Variants in MAMLD1 observed in about 807,000 individuals in gnomAD.
MAMLD1 encodes mastermind-like domain-containing protein 1.
A neutral mutation model predicts 45.0 loss-of-function variants in MAMLD1; 14 were observed. The ratio of observed to expected loss-of-function variants is 0.31; its 90% confidence interval spans 0.21 to 0.49. The LOEUF (loss-of-function observed/expected upper bound fraction) is 0.49. Among genes scored for constraint, MAMLD1 ranks in the 20% least tolerant of loss-of-function variants. The probability of loss-of-function intolerance (pLI) is 0.99; values close to 1 mark genes in which losing one functional copy is unlikely to be tolerated. For synonymous variants in MAMLD1, 254 were observed against 247.8 expected, an observed-to-expected ratio of 1.02 and a Z score of -0.24; for missense variants, 543 against 603.6, an observed-to-expected ratio of 0.90 and a Z score of 1.05.
chrX:150,372,944 C>T (rs1557401173), intron 1 of MAMLD1, among the ~76,000 whole-genome samples: 2 of 111,563 alleles, frequency 1.8e-5, no homozygotes, highest in African/African-American at 6.5e-5. Context: ...ATGACTGATG[C>T]CCTGTGCAAT....
intron 5 of MAMLD1, among the ~76,000 whole-genome samples, chrX:150,496,510 G>T (rs1193568660): frequency 8.9e-6 from 1 of 112,267 alleles, no homozygotes; most frequent in Non-Finnish European, 1.9e-5. Flanking sequence ...CTGGCACATT[G>T]TATGTGTTCA....
In MAMLD1 at chrX:150,470,610, C is replaced by T. The variant is rs1382069450; in HGVS notation, c.1037C>T (p.Pro346Leu). The T allele has an allele frequency of 8.3e-7, 1 of 1,209,942 alleles. No individual in the cohort carries two copies. The highest frequency in any genetic ancestry group is 1.1e-6 in the Non-Finnish European group (1 of 895,126). ...CCACCTTACCGCCCAGTGCCATCAC[C>T]ACACCCACCACCGCTGCCACTGCCA... is the stretch of plus-strand genomic sequence containing the variant. ...LSPPYRPVPSPHPPPLPLPPP... is the reference protein window; with the variant it reads ...LSPPYRPVPSLHPPPLPLPPP... Residue 346 changes from proline (P) to leucine (L), a missense_variant, in exon 4 of 8, where the codon CCA becomes CTA. Transcript: ENST00000370401.
chrX:150,497,476 G>C (rs782730536), intron 5 of MAMLD1, among the ~76,000 whole-genome samples: 32 of 108,195 alleles, frequency 3.0e-4, no homozygotes, highest in Non-Finnish European at 5.2e-4. Flanking sequence ...GTAGAGACGG[G>C]GTTTCACCAT....
chrX:150,470,001 C>T lies in MAMLD1; in HGVS notation c.428C>T (p.Ser143Leu), dbSNP rs2036363650. The T allele has an allele frequency of 8.3e-7, 1 of 1,209,944 alleles. No homozygotes were observed. Among genetic ancestry groups the T allele is most frequent in the Admixed American group, 2.2e-5 (1 of 45,766 alleles). ...CCTATGAATGGCAACATCATGGGCT[C>T]ACCATTTGTAGTACCACAGACTACA... The part of the protein sequence containing the change: ...NNPMNGNIMG[S>L]PFVVPQTTEV... Residue 143 changes from serine (S) to leucine (L), a missense_variant, in exon 4 of 8, where the codon TCA becomes TTA. By Grantham distance (145) the Ser-to-Leu change is moderately radical (BLOSUM62 -2). Transcript: ENST00000370401.
In MAMLD1 at chrX:150,512,517, C is replaced by A. The variant is rs964876789; in HGVS notation, c.*558C>A. On this transcript the variant is annotated 3_prime_UTR_variant, in exon 8 of 8. Coordinates refer to ENST00000370401, the MANE Select transcript of MAMLD1 (RefSeq NM_005491.5). Reference sequence around the variant, plus strand: ...CAGCAGCACTCACCTTCTGGCCAGGCCTGCCTTCAGAGGCCATCTGATTGG... The same window carrying A: ...CAGCAGCACTCACCTTCTGGCCAGGACTGCCTTCAGAGGCCATCTGATTGG... The A allele has an allele frequency of 1.7e-6, 2 of 1,154,864 alleles. No homozygotes were observed. The highest frequency in any genetic ancestry group is 2.3e-6 in the Non-Finnish European group (2 of 872,586).
intron 3 of MAMLD1, among the ~76,000 whole-genome samples, chrX:150,465,085 C>A (rs1170423910): frequency 8.9e-6 from 1 of 112,215 alleles, no homozygotes; most frequent in African/African-American, 3.2e-5. Flanking sequence ...CTTTGACCTC[C>A]TATCTTCTTG....
chrX:150,428,238 C>G (rs2034783797), intron 1 of MAMLD1, among the ~76,000 whole-genome samples: 1 of 111,613 alleles, frequency 9.0e-6, no homozygotes, highest in African/African-American at 3.3e-5. Context: ...GGTGTGAGTA[C>G]AGTACTCACT....
chrX:150,443,786 T>A (rs1015416239), intron 1 of MAMLD1, among the ~76,000 whole-genome samples: 2 of 111,311 alleles, frequency 1.8e-5, no homozygotes, highest in Non-Finnish European at 3.8e-5. Context: ...TTTTTTTCAT[T>A]TGCTTCCAAG....
At chrX:150,402,087 A>C (rs1443110097) in intron 1 of MAMLD1, among the ~76,000 whole-genome samples, 65 of 111,541 alleles carry the variant, frequency 5.8e-4, no homozygotes, top group African/African-American at 2.1e-3. Context: ...TAATTAAACT[A>C]AAGAGCTTCT....
At chrX:150,361,997 G>T (rs1772153395), upstream of MAMLD1, among the ~76,000 whole-genome samples, 1 of 112,844 alleles carries the variant, frequency 8.9e-6, no homozygotes, top group African/African-American at 3.2e-5. Context: ...TAAGCGTACT[G>T]GCGGGCGACG....
intron 1 of MAMLD1, among the ~76,000 whole-genome samples, chrX:150,369,803 T>C (rs2031814333): frequency 9.1e-6 from 1 of 109,881 alleles, no homozygotes; most frequent in African/African-American, 3.3e-5. Context: ...GGGTGTGGGT[T>C]CTGAACCCAT....
intron 5 of MAMLD1, among the ~76,000 whole-genome samples, chrX:150,495,206 A>AAAACAAAC (rs201099079): frequency 0.31 from 32,316 of 103,915 alleles, 4,449 homozygotes; most frequent in Non-Finnish European, 0.42. Context: ...ATTCCGTCTC[A>AAAACAAAC]AAACAAACAA....
intron 1 of MAMLD1, among the ~76,000 whole-genome samples, chrX:150,410,074 G>C (rs1271093267): frequency 9.0e-6 from 1 of 111,594 alleles, no homozygotes; most frequent in Non-Finnish European, 1.9e-5. Flanking sequence ...TGATAGGAAA[G>C]GAACTCCCTG....
chrX:150,377,817 C>CCACACA (rs782182158), intron 1 of MAMLD1, among the ~76,000 whole-genome samples: 1 of 41,227 alleles, frequency 2.4e-5, no homozygotes, highest in Admixed American at 3.3e-4. Flanking sequence ...TCTACCACCC[C>CCACACA]CTCACACACA....
chrX:150,423,348 C>CTGTGTG (rs1246327427), intron 1 of MAMLD1, among the ~76,000 whole-genome samples: 636 of 7,837 alleles, frequency 0.081, 4 homozygotes, highest in African/African-American at 0.094. Flanking sequence ...ACATTATACT[C>CTGTGTG]TGTGTGTGTG....
At chrX:150,441,524 T>A (rs1419991971) in intron 1 of MAMLD1, among the ~76,000 whole-genome samples, 1 of 110,870 alleles carries the variant, frequency 9.0e-6, no homozygotes, top group African/African-American at 3.3e-5. Flanking sequence ...TAATTTTTAT[T>A]TCTTTTAAGA....
At chrX:150,438,431 C>T (rs1344956468) in intron 1 of MAMLD1, among the ~76,000 whole-genome samples, 7 of 112,150 alleles carry the variant, frequency 6.2e-5, no homozygotes, top group African/African-American at 2.3e-4. Context: ...CAATGTTATG[C>T]AACCATCACC....
In MAMLD1 at chrX:150,462,841, C is replaced by T. The variant is rs372258309; in HGVS notation, c.166C>T (p.His56Tyr). The change falls in exon 3 of 8, where the codon CAT becomes TAT. Residue 56 changes from histidine (H) to tyrosine (Y), a missense_variant. His to Tyr is a moderately conservative substitution (Grantham distance 83). Coordinates refer to ENST00000370401, the MANE Select transcript of MAMLD1 (RefSeq NM_005491.5). ...FLYKSSPGRK[H>Y]QGTVKRRQEE... ...CTACAAGAGCAGCCCAGGAAGAAAG[C>T]ATCAGGTAAGCATAAGCTTACCAAA... The T allele has an allele frequency of 8.3e-7, 1 of 1,203,321 alleles. No homozygotes were observed. Among genetic ancestry groups the T allele is most frequent in the African/African-American group, 1.7e-5 (1 of 57,699 alleles).
At chrX:150,430,429 A>C in intron 1 of MAMLD1, among the ~76,000 whole-genome samples, 1 of 109,097 alleles carries the variant, frequency 9.2e-6, no homozygotes, top group South Asian at 3.7e-4. Context: ...TTCTATTCAC[A>C]GGGTCTTTCA....
Sources: allele counts gnomAD v4.1 joint callset (sites outside exome capture counted in the v4.1 genomes callset), GRCh38; gene constraint gnomAD v4.1.1; transcripts MANE v1.5; gene names NCBI Gene and HGNC (gene_info 2026-07-23, HGNC 2026-07-21).